The following DPH6 variants were observed in gnomAD, a reference collection of about 807,000 sequenced individuals.
The protein encoded by DPH6 is diphthamine biosynthesis 6.
In DPH6, 33 loss-of-function variants were observed where a neutral mutation model predicts 38.2. The ratio of observed to expected loss-of-function variants is 0.86; its 90% confidence interval spans 0.65 to 1.15. DPH6 has a LOEUF of 1.15. Ranked by LOEUF, DPH6 falls within the 50% of genes most tolerant of loss-of-function variation. The pLI is 0.00. For synonymous variants in DPH6, 108 were observed against 103.0 expected, an observed-to-expected ratio of 1.05 and a Z score of -0.30; for missense variants, 325 against 320.0, an observed-to-expected ratio of 1.02 and a Z score of -0.12.
the DPH6 span, among the ~76,000 whole-genome samples, chr15:35,185,864 C>T: frequency 1.1e-4 from 17 of 151,312 alleles, no homozygotes; most frequent in African/African-American, 4.1e-4. Flanking sequence ...TCCCAAGTAG[C>T]TGGGACTACG....
At chr15:35,469,709 C>G (rs2054173092) in intron 3 of DPH6, among the ~76,000 whole-genome samples, 2 of 152,044 alleles carry the variant, frequency 1.3e-5, no homozygotes, top group Admixed American at 6.5e-5. Flanking sequence ...TGCAAGGTAT[C>G]CAGTAGACAG....
At chr15:35,382,410 G>A (rs1001069575) in intron 6 of DPH6, among the ~76,000 whole-genome samples, 2 of 152,002 alleles carry the variant, frequency 1.3e-5, no homozygotes, top group Admixed American at 1.3e-4. Flanking sequence ...CAGCCTGGGC[G>A]ACAGAGGGAG....
intron 3 of DPH6, chr15:35,521,511 G>C: frequency 1.6e-6 from 2 of 1,218,266 alleles, no homozygotes; most frequent in Non-Finnish European, 2.0e-6. Context: ...GTGCTGATAG[G>C]ACTATGAAGA....
chr15:35,378,705 C>T (rs1300000443), intron 7 of DPH6, among the ~76,000 whole-genome samples: 2 of 152,028 alleles, frequency 1.3e-5, no homozygotes, highest in Non-Finnish European at 2.9e-5. Flanking sequence ...AACCATCATT[C>T]TCAGCAAACT....
chr15:35,506,059 A>T (rs1369661022), intron 3 of DPH6, among the ~76,000 whole-genome samples: 1 of 152,154 alleles, frequency 6.6e-6, no homozygotes, highest in African/African-American at 2.4e-5. Flanking sequence ...ACAAAAAGAG[A>T]AATGAAACTT....
intron 3 of DPH6, among the ~76,000 whole-genome samples, chr15:35,296,375 C>G (rs1419026881): frequency 1.3e-5 from 2 of 152,188 alleles, no homozygotes; most frequent in African/African-American, 4.8e-5. Flanking sequence ...CCTACTTATT[C>G]TAGCTCCCTT....
rs200307460 is a variant in DPH6, at chr15:35,438,834, A to C, written c.505+11851T>G. Among the ~76,000 whole-genome samples the C allele has an allele frequency of 2.6e-5, 4 of 152,366 alleles. No homozygotes were observed. In the East Asian group the frequency reaches 7.7e-4, roughly 29 times the overall value. ...TTACTGGTAAAATGCAAATGCCATC[A>C]AAATGTAATTTTTTACCTGGGTTTA... On this transcript the variant is annotated intron_variant, in intron 5 of 8. Coordinates refer to ENST00000256538, the MANE Select transcript of DPH6 (RefSeq NM_080650.4).
intron 3 of DPH6, among the ~76,000 whole-genome samples, chr15:35,464,466 G>C (rs2054104391): frequency 6.6e-6 from 1 of 152,088 alleles, no homozygotes; most frequent in Non-Finnish European, 1.5e-5. Context: ...TAGATGATAA[G>C]AAAATAGATT....
chr15:35,278,049 T>A (rs2051871050), intron 3 of DPH6, among the ~76,000 whole-genome samples: 1 of 152,198 alleles, frequency 6.6e-6, no homozygotes, highest in Non-Finnish European at 1.5e-5. Flanking sequence ...CTAAAGAGAC[T>A]AGCATGACTA....
intron 3 of DPH6, among the ~76,000 whole-genome samples, chr15:35,241,633 C>A (rs143928288): frequency 7.0e-6 from 1 of 141,878 alleles, no homozygotes; most frequent in Non-Finnish European, 1.5e-5. Flanking sequence ...GCCTCCTTTG[C>A]GTCCTCCTCT....
At chr15:35,154,914 T>G in the DPH6 span, among the ~76,000 whole-genome samples, 1 of 152,144 alleles carries the variant, frequency 6.6e-6, no homozygotes, top group Non-Finnish European at 1.5e-5. Context: ...GCAAAGAGGA[T>G]AGCAAAAAAT....
chr15:35,168,924 A>G, the DPH6 span, among the ~76,000 whole-genome samples: 5 of 152,084 alleles, frequency 3.3e-5, no homozygotes, highest in Non-Finnish European at 5.9e-5. Flanking sequence ...AATCTATTAG[A>G]GAATGTCCAG....
chr15:35,210,875 T>C, the DPH6 span, among the ~76,000 whole-genome samples: 3 of 150,918 alleles, frequency 2.0e-5, no homozygotes. Flanking sequence ...AAGTTGAAAA[T>C]GAATTTGCAT....
chr15:35,523,104 A>G (rs550910928), intron 3 of DPH6, among the ~76,000 whole-genome samples: 1 of 152,190 alleles, frequency 6.6e-6, no homozygotes, highest in South Asian at 2.1e-4. Flanking sequence ...GTTTTGCCAA[A>G]TTACCGTCCA....
At chr15:35,325,010 G>A (rs2052270213) in intron 3 of DPH6, among the ~76,000 whole-genome samples, 1 of 152,182 alleles carries the variant, frequency 6.6e-6, no homozygotes, top group East Asian at 1.9e-4. Flanking sequence ...ATAGCCCAGT[G>A]CAAAAAATCA....
At chr15:35,368,991 A>G (rs2052686558), downstream of DPH6, among the ~76,000 whole-genome samples, 1 of 151,794 alleles carries the variant, frequency 6.6e-6, no homozygotes, top group South Asian at 2.1e-4. Context: ...AAAGAAAAGA[A>G]TGGACCTATA....
chr15:35,312,223 G>A (rs1165733325), intron 3 of DPH6, among the ~76,000 whole-genome samples: 4 of 152,086 alleles, frequency 2.6e-5, no homozygotes, highest in Non-Finnish European at 5.9e-5. Context: ...AAAGATAAAT[G>A]AGCTGAAGAA....
At chr15:35,183,230 G>C in the DPH6 span, among the ~76,000 whole-genome samples, 2 of 152,134 alleles carry the variant, frequency 1.3e-5, no homozygotes, top group African/African-American at 4.8e-5. Context: ...TAGTAAGAAT[G>C]AAACAGGTTA....
At chr15:35,353,667 G>T (rs2140895565) in intron 3 of DPH6, among the ~76,000 whole-genome samples, 1 of 152,300 alleles carries the variant, frequency 6.6e-6, no homozygotes, top group South Asian at 2.1e-4. Flanking sequence ...GTAGCATGCT[G>T]TTTTGGTTAC....
Sources: gnomAD v4.1 joint callset for allele counts (sites outside exome capture counted in the v4.1 genomes callset) on GRCh38, gnomAD v4.1.1 for gene constraint, MANE v1.5 for transcripts, NCBI Gene and HGNC (gene_info 2026-07-23, HGNC 2026-07-21) for gene names.